Variants in CCSER1 observed in about 807,000 individuals in gnomAD.
CCSER1 encodes serine-rich coiled-coil domain-containing protein 1.
A neutral mutation model predicts 82.0 loss-of-function variants in CCSER1; 41 were observed. That is an observed-to-expected ratio of 0.50 (90% CI 0.39 to 0.65). The LOEUF is 0.65. CCSER1 is among the 30% of genes least tolerant of loss of function. The pLI, the probability that CCSER1 is intolerant of heterozygous loss-of-function variation, is 0.00. For synonymous variants in CCSER1, 414 were observed against 383.9 expected (o/e 1.08, Z -0.92); for missense variants, 1,119 against 1,064.2 (o/e 1.05, Z -0.72).
At chr4:90,247,314 G>A (rs1397557050) in intron 1 of CCSER1, among the ~76,000 whole-genome samples, 1 of 152,174 alleles carries the variant, frequency 6.6e-6, no homozygotes, top group African/African-American at 2.4e-5. Context: ...CTCGTACAGA[G>A]TTGAGGACAG....
intron 4 of CCSER1, among the ~76,000 whole-genome samples, chr4:90,444,737 T>A (rs1249234315): frequency 6.6e-6 from 1 of 152,042 alleles, no homozygotes; most frequent in Non-Finnish European, 1.5e-5. Context: ...TATATCAAAA[T>A]TTGAATATTA....
intron 1 of CCSER1, among the ~76,000 whole-genome samples, chr4:90,169,353 C>T (rs575616882): frequency 3.3e-5 from 5 of 152,000 alleles, no homozygotes; most frequent in East Asian, 1.9e-4. Context: ...CTGAAGTTGC[C>T]TATCAGCTTA....
chr4:91,153,269 A>G (rs1730438959), intron 10 of CCSER1, among the ~76,000 whole-genome samples: 1 of 151,848 alleles, frequency 6.6e-6, no homozygotes, highest in Admixed American at 6.6e-5. Context: ...TTGATCTTCA[A>G]TTACTGATAC....
intron 5 of CCSER1, among the ~76,000 whole-genome samples, chr4:90,598,017 A>G (rs1404611431): frequency 1.3e-5 from 2 of 151,858 alleles, no homozygotes; most frequent in Non-Finnish European, 2.9e-5. Context: ...TATATATATC[A>G]CATTTTCTTT....
At chr4:90,955,095 G>A (rs962020528) in intron 9 of CCSER1, among the ~76,000 whole-genome samples, 1 of 152,078 alleles carries the variant, frequency 6.6e-6, no homozygotes, top group African/African-American at 2.4e-5. Flanking sequence ...ACCATCGAAC[G>A]TGTTCGTGTT....
At chr4:90,851,686 A>G (rs1763911690) in intron 8 of CCSER1, among the ~76,000 whole-genome samples, 1 of 151,956 alleles carries the variant, frequency 6.6e-6, no homozygotes, top group South Asian at 2.1e-4. Flanking sequence ...TGTTTTAACA[A>G]TGTTCACAAG....
chr4:90,143,858 G>T (rs551373070), intron 1 of CCSER1, among the ~76,000 whole-genome samples: 639 of 150,566 alleles, frequency 4.2e-3, no homozygotes, highest in Non-Finnish European at 6.5e-3. Context: ...GTCATGTTTT[G>T]TTGTTGTTAT....
At chr4:91,221,763 A>G (rs1478753282) in intron 10 of CCSER1, among the ~76,000 whole-genome samples, 2 of 152,070 alleles carry the variant, frequency 1.3e-5, no homozygotes, top group East Asian at 3.9e-4. Flanking sequence ...AGTTGTACAC[A>G]GTCCCGGCAC....
chr4:91,460,941 A>G (rs1756467499), intron 10 of CCSER1, among the ~76,000 whole-genome samples: 1 of 152,168 alleles, frequency 6.6e-6, no homozygotes, highest in Admixed American at 6.5e-5. Context: ...AAATCCCCTC[A>G]AAGGATAAAA....
At chr4:90,663,460 G>A (rs1485588706) in intron 6 of CCSER1, among the ~76,000 whole-genome samples, 2 of 152,134 alleles carry the variant, frequency 1.3e-5, no homozygotes, top group East Asian at 1.9e-4. Flanking sequence ...TGAATTCAAT[G>A]TTCAAGATCA....
At chr4:90,491,004 G>A (rs913148358) in intron 5 of CCSER1, among the ~76,000 whole-genome samples, 5 of 152,112 alleles carry the variant, frequency 3.3e-5, no homozygotes, top group African/African-American at 9.7e-5. Context: ...TGGCAATGCG[G>A]GCCCTTTTTG....
chr4:91,369,662 T>A (rs1219199327), intron 10 of CCSER1, among the ~76,000 whole-genome samples: 1 of 5,856 alleles, frequency 1.7e-4, no homozygotes. Context: ...AATCTGTAGC[T>A]TTTTTTTTTT....
intron 5 of CCSER1, among the ~76,000 whole-genome samples, chr4:90,575,330 T>C (rs895431784): frequency 1.3e-5 from 2 of 152,028 alleles, no homozygotes; most frequent in Non-Finnish European, 2.9e-5. Flanking sequence ...GGCATAAGAG[T>C]GTGAGGGCGA....
intron 7 of CCSER1, among the ~76,000 whole-genome samples, chr4:90,772,974 CT>C (rs1752410192): frequency 6.6e-6 from 1 of 151,922 alleles, no homozygotes; most frequent in African/African-American, 2.4e-5. Context: ...GGCATGTTGG[CT>C]TATGCCTGTA....
At chr4:91,295,406 T>C (rs1053479091) in intron 10 of CCSER1, among the ~76,000 whole-genome samples, 3 of 151,928 alleles carry the variant, frequency 2.0e-5, no homozygotes, top group Admixed American at 2.0e-4. Flanking sequence ...AAATTTTTAC[T>C]ACAGTTAGTC....
At chr4:90,987,506 T>G (rs1736669014) in intron 9 of CCSER1, among the ~76,000 whole-genome samples, 1 of 151,700 alleles carries the variant, frequency 6.6e-6, no homozygotes, top group Non-Finnish European at 1.5e-5. Flanking sequence ...TCCCTCAGTG[T>G]TTTGAGATTT....
At chr4:91,183,688 C>T (rs1032424612) in intron 10 of CCSER1, among the ~76,000 whole-genome samples, 1 of 152,148 alleles carries the variant, frequency 6.6e-6, no homozygotes, top group Admixed American at 6.5e-5. Flanking sequence ...AAGTCCTGTT[C>T]TTGGACAATA....
intron 6 of CCSER1, among the ~76,000 whole-genome samples, chr4:90,705,490 T>C (rs916936133): frequency 1.3e-5 from 2 of 152,218 alleles, no homozygotes; most frequent in Admixed American, 1.3e-4. Context: ...ACTACTACTC[T>C]CTTCAAAGGT....
chr4:90,433,121 A>T (rs1234689546), intron 4 of CCSER1, among the ~76,000 whole-genome samples: 1 of 151,918 alleles, frequency 6.6e-6, no homozygotes, highest in Non-Finnish European at 1.5e-5. Context: ...TTAACTATCT[A>T]CTTGAGATCT....
Sources: gnomAD v4.1 joint callset for allele counts (sites outside exome capture counted in the v4.1 genomes callset) on GRCh38, gnomAD v4.1.1 for gene constraint, MANE v1.5 for transcripts, NCBI Gene and HGNC (gene_info 2026-07-23, HGNC 2026-07-21) for gene names.